The following NDFIP2 variants were observed in gnomAD, a reference collection of about 807,000 sequenced individuals.
NDFIP2 encodes the protein NEDD4 family-interacting protein 2.
In NDFIP2, 19 loss-of-function variants were observed where a neutral mutation model predicts 36.0. The ratio of observed to expected loss-of-function variants is 0.53; its 90% CI spans 0.37 to 0.77. The LOEUF (loss-of-function observed/expected upper bound fraction) is 0.77. NDFIP2 is among the 30% of genes least tolerant of loss of function. NDFIP2 has a pLI of 0.00. For synonymous variants in NDFIP2, 181 were observed against 167.7 expected, an observed-to-expected ratio of 1.08 and a Z score of -0.61; for missense variants, 446 against 435.8, an observed-to-expected ratio of 1.02 and a Z score of -0.21.
At chr13:79,526,444 A>G (rs1218314487) in intron 2 of NDFIP2, among the ~76,000 whole-genome samples, 2 of 152,184 alleles carry the variant, frequency 1.3e-5, no homozygotes, top group Non-Finnish European at 2.9e-5. Flanking sequence ...TAATCCATGA[A>G]TGAAATAGCA....
At chr13:79,495,645 G>T (rs947424987) in intron 1 of NDFIP2, among the ~76,000 whole-genome samples, 15 of 151,764 alleles carry the variant, frequency 9.9e-5, no homozygotes, top group Non-Finnish European at 1.9e-4. Flanking sequence ...TTATAGTTAG[G>T]TCTTACTTTT....
chr13:79,501,465 T>G (rs1873664341), intron 1 of NDFIP2, among the ~76,000 whole-genome samples: 1 of 151,998 alleles, frequency 6.6e-6, no homozygotes, highest in Admixed American at 6.6e-5. Context: ...GATCTAAATC[T>G]CTAAGAAGTG....
chr13:79,481,621 C>T (rs2079813879), intron 1 of NDFIP2, 97 bp downstream of exon 1: 15 of 1,387,638 alleles, frequency 1.1e-5, no homozygotes, highest in Non-Finnish European at 1.5e-5. Context: ...AAAGCTGTGG[C>T]TTTTTTTTGT....
At position 79,481,359 on chromosome 13, in the gene NDFIP2, A is replaced by G; in HGVS notation, c.156A>G (p.Gly52=). The G allele has an allele frequency of 6.4e-7, 1 of 1,551,636 alleles. No homozygotes were observed. ...CAGGAAGTGAAGAGCTTCCGCCGGG[A>G]GACCGCGGCTGCAGGAACGGAGGCG... The part of the protein sequence containing the change: ...GATGSEELPP[G]DRGCRNGGGR... Residue 52 remains glycine (G), a synonymous_variant, in exon 1 of 8, where the codon GGA becomes GGG. Transcript: ENST00000218652.
chr13:79,498,945 A>T (rs543668385), intron 1 of NDFIP2, among the ~76,000 whole-genome samples: 18 of 152,114 alleles, frequency 1.2e-4, no homozygotes, highest in African/African-American at 3.9e-4. Flanking sequence ...AAAGCCAGAC[A>T]AGACATTGTA....
At chr13:79,520,359 G>A (rs547207579) in intron 1 of NDFIP2, among the ~76,000 whole-genome samples, 9 of 151,940 alleles carry the variant, frequency 5.9e-5, no homozygotes, top group Admixed American at 2.0e-4. Flanking sequence ...CCTCTTCCCC[G>A]TAGCACCAAA....
chr13:79,511,337 G>A (rs1390533358), intron 1 of NDFIP2, among the ~76,000 whole-genome samples: 1 of 152,120 alleles, frequency 6.6e-6, no homozygotes, highest in Non-Finnish European at 1.5e-5. Context: ...GGTAAGCATG[G>A]CCATCACAAA....
At chr13:79,489,656 A>T (rs1873150562) in intron 1 of NDFIP2, among the ~76,000 whole-genome samples, 1 of 152,164 alleles carries the variant, frequency 6.6e-6, no homozygotes, top group Admixed American at 6.5e-5. Context: ...ACTTGATTGA[A>T]ATGTGAAGAT....
intron 1 of NDFIP2, among the ~76,000 whole-genome samples, chr13:79,514,658 A>G (rs1344421447): frequency 6.6e-6 from 1 of 152,222 alleles, no homozygotes. Context: ...AGTTGAACAT[A>G]TATAAATACA....
rs139711651 is a variant in NDFIP2 at position 79,539,696 on chromosome 13, G to T, written c.636G>T (p.Glu212Asp). The change falls in exon 4 of 8, where the codon GAG (glutamate) becomes GAT (aspartate). Residue 212 changes from glutamate to aspartate, a missense_variant. Coordinates refer to ENST00000218652, the MANE Select transcript of NDFIP2 (RefSeq NM_019080.3). ...AETSQRIQEE[E>D]CPPRDDFSDA... Reference sequence around the variant, plus strand: ...CATATTTACAGATTCAGGAGGAAGAGTGTCCACCAAGAGATGACTTCAGTG... The same window carrying T: ...CATATTTACAGATTCAGGAGGAAGATTGTCCACCAAGAGATGACTTCAGTG... 2.5e-6 allele frequency: 4 copies of T among 1,613,612 alleles called. No individual in the cohort carries two copies. The highest frequency in any genetic ancestry group is 3.4e-6 in the Non-Finnish European group (4 of 1,179,596).
chr13:79,553,405 GA>G lies in NDFIP2; in HGVS notation c.*894del, dbSNP rs1875981330. On this transcript the variant is annotated 3_prime_UTR_variant, in exon 8 of 8. Coordinates refer to ENST00000218652, the MANE Select transcript of NDFIP2 (RefSeq NM_019080.3). Reference sequence around the variant, plus strand: ...TTGCCCATCTTAAGAGATCTTGCAGGAAGAGATTGTATTAGATATTATATTT... The same window carrying G: ...TTGCCCATCTTAAGAGATCTTGCAGGAGAGATTGTATTAGATATTATATTT... The G allele has an allele frequency of 6.6e-6, 1 of 151,246 alleles. No homozygotes were observed. Among genetic ancestry groups the G allele is most frequent in the Non-Finnish European group, 1.5e-5 (1 of 67,374 alleles). 9.4% of individuals were successfully genotyped at this position (151,246 alleles called of 1,614,324 possible). A position where few individuals can be genotyped will look rare whatever the true frequency, so the allele number is the denominator to read the frequency against.
At chr13:79,523,270 G>C (rs1874656382) in intron 2 of NDFIP2, among the ~76,000 whole-genome samples, 1 of 152,090 alleles carries the variant, frequency 6.6e-6, no homozygotes, top group Non-Finnish European at 1.5e-5. Context: ...GCCCAGGCTG[G>C]AGTGCAATGG....
intron 2 of NDFIP2, among the ~76,000 whole-genome samples, chr13:79,527,017 C>T (rs1203782671): frequency 3.3e-5 from 5 of 152,018 alleles, no homozygotes; most frequent in African/African-American, 9.7e-5. Context: ...TTTATAATTG[C>T]GGTGTCCTGT....
intron 1 of NDFIP2, among the ~76,000 whole-genome samples, chr13:79,502,836 A>G (rs1361462336): frequency 6.6e-6 from 1 of 151,836 alleles, no homozygotes; most frequent in East Asian, 1.9e-4. Flanking sequence ...GAAGGGAGCT[A>G]TGGAAATAGT....
At chr13:79,494,508 A>G (rs1873363182) in intron 1 of NDFIP2, among the ~76,000 whole-genome samples, 1 of 151,836 alleles carries the variant, frequency 6.6e-6, no homozygotes, top group Non-Finnish European at 1.5e-5. Context: ...CTTACTTTTC[A>G]TGTTAATTTT....
In NDFIP2 at chr13:79,533,431, C is replaced by T; in HGVS notation, c.596C>T (p.Ala199Val). The T allele has an allele frequency of 2.5e-6, 4 of 1,603,636 alleles. No homozygotes were observed. The highest frequency in any genetic ancestry group is 3.4e-6 in the Non-Finnish European group (4 of 1,176,520). Residue 199 changes from alanine (A) to valine (V), a missense_variant, in exon 3 of 8, where the codon GCT (alanine) becomes GTT (valine). Physicochemically the swap from Ala to Val is moderately conservative, Grantham distance 64. Coordinates refer to ENST00000218652, the MANE Select transcript of NDFIP2 (RefSeq NM_019080.3). ...AEKAKAAAMA[A>V]AAAETSQRIQ... is the part of the protein sequence containing the mutation. ...AAGGCTAAAGCTGCTGCAATGGCAGCTGCAGCAGCAGAAACATCTCAAAGA... is the reference window on the plus strand; with the variant it reads ...AAGGCTAAAGCTGCTGCAATGGCAGTTGCAGCAGCAGAAACATCTCAAAGA...
At chr13:79,529,815 TG>T (rs1467230543) in intron 2 of NDFIP2, among the ~76,000 whole-genome samples, 1 of 152,190 alleles carries the variant, frequency 6.6e-6, no homozygotes, top group Non-Finnish European at 1.5e-5. Flanking sequence ...TGTAAACAAA[TG>T]TAAAAAAATA....
chr13:79,534,242 A>G (rs1047723484), intron 3 of NDFIP2, among the ~76,000 whole-genome samples: 1 of 150,764 alleles, frequency 6.6e-6, no homozygotes, highest in Non-Finnish European at 1.5e-5. Flanking sequence ...CTTTTTTTCT[A>G]TTTATGTTTC....
Position 79,533,437 on chromosome 13 carries a change from C to A in NDFIP2, c.602C>A (p.Ala201Glu), listed in dbSNP as rs778427330. ...AAAGCTGCTGCAATGGCAGCTGCAG[C>A]AGCAGAAACATCTCAAAGAGTAAGA... ...KAKAAAMAAA[A>E]AETSQRIQEE... Residue 201 changes from alanine to glutamate, a missense_variant, in exon 3 of 8, where the codon GCA becomes GAA. Physicochemically the swap from Ala to Glu is moderately radical, Grantham distance 107. Transcript: ENST00000218652. The A allele has an allele frequency of 3.1e-6, 5 of 1,599,864 alleles. No homozygotes were observed. The highest frequency in any genetic ancestry group is 3.4e-6 in the Non-Finnish European group (4 of 1,175,592).
Sources: allele counts gnomAD v4.1 joint callset (sites outside exome capture counted in the v4.1 genomes callset), GRCh38; gene constraint gnomAD v4.1.1; transcripts MANE v1.5; gene names NCBI Gene and HGNC (gene_info 2026-07-23, HGNC 2026-07-21).